PPP2R2B: variants seen among roughly 807,000 people sequenced by gnomAD.
PPP2R2B encodes the protein protein phosphatase 2 regulatory subunit Bbeta.
Under a neutral mutation model 46.0 loss-of-function variants are expected in PPP2R2B, and 5 were observed. The observed-to-expected ratio is 0.11, with a 90% CI of 0.06 to 0.23. The LOEUF is 0.23. Ranked by LOEUF, PPP2R2B falls within the 10% of genes least tolerant of loss-of-function variation. PPP2R2B has a pLI of 1.00. For missense variants in PPP2R2B, 367 were observed against 575.0 expected (o/e 0.64, Z 3.70); for synonymous variants, 215 against 206.7 (o/e 1.04, Z -0.34).
At chr5:146,952,394 A>G (rs1227127475) in intron 1 of PPP2R2B, among the ~76,000 whole-genome samples, 3 of 152,046 alleles carry the variant, frequency 2.0e-5, no homozygotes, top group South Asian at 2.1e-4. Context: ...GAGGCTGTCA[A>G]TCAGGATGCC....
At chr5:146,803,559 T>C (rs1029425194) in intron 2 of PPP2R2B, among the ~76,000 whole-genome samples, 2 of 152,084 alleles carry the variant, frequency 1.3e-5, no homozygotes, top group Admixed American at 6.6e-5. Flanking sequence ...TATTTGAAAA[T>C]ATTATATTCT....
intron 2 of PPP2R2B, among the ~76,000 whole-genome samples, chr5:146,850,937 T>A (rs1323546617): frequency 6.6e-6 from 1 of 152,112 alleles, no homozygotes. Flanking sequence ...AATATTAAAG[T>A]CCTCTTTGGA....
At chr5:147,012,973 A>G (rs1754817149) in intron 1 of PPP2R2B, among the ~76,000 whole-genome samples, 1 of 151,956 alleles carries the variant, frequency 6.6e-6, no homozygotes, top group Admixed American at 6.6e-5. Context: ...ATGATTGTAT[A>G]TCTAGAAAAC....
At chr5:146,880,225 G>A (rs113369917), upstream of PPP2R2B, among the ~76,000 whole-genome samples, 42 of 144,060 alleles carry the variant, frequency 2.9e-4, no homozygotes, top group Middle Eastern at 7.0e-3. Context: ...GTGTGTGTGT[G>A]GTGGGGGGAG....
intron 7 of PPP2R2B, chr5:146,607,370 G>A (rs566916267): frequency 7.0e-4 from 107 of 152,220 alleles, no homozygotes; most frequent in African/African-American, 2.4e-3. Flanking sequence ...AATTTAGATC[G>A]TATTAAGACT....
intron 1 of PPP2R2B, among the ~76,000 whole-genome samples, chr5:147,040,041 T>C (rs1258829420): frequency 6.6e-6 from 1 of 152,134 alleles, no homozygotes; most frequent in East Asian, 1.9e-4. Flanking sequence ...CCCTGTTAAG[T>C]GGCAAGCTTT....
At chr5:146,852,692 T>C (rs1233440662) in intron 2 of PPP2R2B, among the ~76,000 whole-genome samples, 2 of 152,148 alleles carry the variant, frequency 1.3e-5, no homozygotes, top group East Asian at 3.9e-4. Context: ...CAATGACTGC[T>C]AATGTGTTGG....
At chr5:146,606,037 A>G (rs1772231461) in intron 7 of PPP2R2B, among the ~76,000 whole-genome samples, 1 of 152,250 alleles carries the variant, frequency 6.6e-6, no homozygotes, top group African/African-American at 2.4e-5. Flanking sequence ...AAAATCTTGA[A>G]TTCAGTTATT....
intron 1 of PPP2R2B, among the ~76,000 whole-genome samples, chr5:146,889,612 G>A (rs1172260134): frequency 6.6e-6 from 1 of 152,152 alleles, no homozygotes; most frequent in East Asian, 1.9e-4. Context: ...GTTGCAATTG[G>A]AACTCTCCCA....
chr5:146,963,926 G>T (rs1318819835), intron 1 of PPP2R2B, among the ~76,000 whole-genome samples: 1 of 152,116 alleles, frequency 6.6e-6, no homozygotes, highest in Admixed American at 6.6e-5. Context: ...GACCTTTCAG[G>T]TCTCATTCAG....
chr5:146,980,368 C>T (rs975979954), intron 1 of PPP2R2B, among the ~76,000 whole-genome samples: 1 of 152,146 alleles, frequency 6.6e-6, no homozygotes, highest in African/African-American at 2.4e-5. Flanking sequence ...AGGATAAATG[C>T]TTCAGATTCT....
At chr5:146,726,416 A>G (rs1292589815) in intron 2 of PPP2R2B, among the ~76,000 whole-genome samples, 1 of 152,168 alleles carries the variant, frequency 6.6e-6, no homozygotes, top group Non-Finnish European at 1.5e-5. Context: ...GATTGTGCAG[A>G]AGGGGAGTAT....
In PPP2R2B at chr5:146,585,511, A is replaced by G. The variant is rs1192390252; in HGVS notation, c.*4436T>C. 6.6e-6 allele frequency: 1 copy of G among 152,230 alleles called. No homozygotes were observed. The highest frequency in any genetic ancestry group is 1.5e-5 in the Non-Finnish European group (1 of 68,040). 9.4% of individuals were successfully genotyped at this position (152,230 alleles called of 1,614,324 possible). A position where few individuals can be genotyped will look rare whatever the true frequency, so the allele number is the denominator to read the frequency against. ...AAGCCTGGCTTATAATAAGTGCTCAATAAATGTTAGCAACTATTGTATGTT... is the reference window on the plus strand; with the variant it reads ...AAGCCTGGCTTATAATAAGTGCTCAGTAAATGTTAGCAACTATTGTATGTT... On this transcript the variant is annotated 3_prime_UTR_variant, in exon 10 of 10. Coordinates refer to ENST00000394411, the MANE Select transcript of PPP2R2B (RefSeq NM_181675.4).
Position 146,585,484 on chromosome 5 carries a change from CA to C in PPP2R2B, c.*4462del, listed in dbSNP as rs1770105306. ...GTCAATACATGTGAAATTTGTAGAA[CA>C]AAGCCTGGCTTATAATAAGTGCTCA... On this transcript the variant is annotated 3_prime_UTR_variant, in exon 10 of 10. Transcript: ENST00000394411. 1 of 152,170 alleles carries C rather than the reference CA, an allele frequency of 6.6e-6. No individual in the cohort carries two copies. Among genetic ancestry groups the C allele is most frequent in the South Asian group, 2.1e-4 (1 of 4,832 alleles). The allele number at this position is 152,170 out of a possible 1,614,324, so 9.4% of individuals were successfully genotyped here.
intron 7 of PPP2R2B, among the ~76,000 whole-genome samples, chr5:146,615,065 C>T (rs1459627313): frequency 4.1e-5 from 3 of 72,676 alleles, no homozygotes; most frequent in East Asian, 5.0e-4. Context: ...ATGTTTATTG[C>T]GGCACTATTC....
In PPP2R2B at chr5:146,916,401, G is replaced by A. The variant is rs114184521; in HGVS notation, c.79+139264C>T. On this transcript the variant is annotated intron_variant, in intron 1 of 8. Coordinates refer to the PPP2R2B transcript ENST00000336640. ...TTCAAGTATGAATGCTGGGCAGAGAGTGACAGAGAGAACTAAAGCAGGTGA... is the reference window on the plus strand; with the variant it reads ...TTCAAGTATGAATGCTGGGCAGAGAATGACAGAGAGAACTAAAGCAGGTGA... Among the ~76,000 whole-genome samples the A allele has an allele frequency of 7.4e-3, 1,126 of 151,778 alleles. 20 individuals are homozygous for A. The highest frequency in any genetic ancestry group is 0.026 in the African/African-American group (1,077 of 41,332).
At chr5:146,941,856 C>G (rs1764333611) in intron 1 of PPP2R2B, among the ~76,000 whole-genome samples, 1 of 152,172 alleles carries the variant, frequency 6.6e-6, no homozygotes, top group Non-Finnish European at 1.5e-5. Flanking sequence ...TATTCTTTCA[C>G]AGTTCTGGGG....
intron 1 of PPP2R2B, among the ~76,000 whole-genome samples, chr5:146,902,903 A>G (rs1762880407): frequency 6.6e-6 from 1 of 152,208 alleles, no homozygotes; most frequent in Non-Finnish European, 1.5e-5. Flanking sequence ...ACCTCTAGGG[A>G]TCCCTAAAAT....
At chr5:147,059,149 C>A (rs77454104), upstream of PPP2R2B, among the ~76,000 whole-genome samples, 2,716 of 152,184 alleles carry the variant, frequency 0.018, 72 homozygotes, top group African/African-American at 0.061. Flanking sequence ...AGATACCACC[C>A]CTGCTCTAAA....
Sources: gnomAD v4.1 joint callset for allele counts (sites outside exome capture counted in the v4.1 genomes callset) on GRCh38, gnomAD v4.1.1 for gene constraint, MANE v1.5 for transcripts, NCBI Gene and HGNC (gene_info 2026-07-23, HGNC 2026-07-21) for gene names.